The following TPPP2 variants were observed in gnomAD, a reference collection of about 807,000 sequenced individuals.
TPPP2 encodes the protein tubulin polymerization promoting protein family member 2.
Under a neutral mutation model 13.0 loss-of-function variants are expected in TPPP2, and 8 were observed. The observed-to-expected ratio is 0.62, with a 90% CI of 0.36 to 1.11. TPPP2 has a LOEUF of 1.11. TPPP2 is among the 50% of genes most tolerant of loss of function. The pLI is 0.02. For synonymous variants in TPPP2, 81 were observed against 81.8 expected (o/e 0.99, Z 0.05); for missense variants, 213 against 216.9 (o/e 0.98, Z 0.11).
chr14:21,025,466 C>T (rs906657132), upstream of TPPP2: 19 of 985,320 alleles, frequency 1.9e-5, no homozygotes, highest in Admixed American at 3.7e-4. This position sits in a 1 kb window ranked among gnomAD's most constrained non-coding sequence, Gnocchi z 5.1. Flanking sequence ...AGTGGGGAGA[C>T]GAACCCGGGA....
upstream of TPPP2, chr14:21,025,218 G>C (rs898716246): frequency 4.7e-6 from 4 of 849,622 alleles, no homozygotes; most frequent in Non-Finnish European, 5.7e-6. This position sits in a 1 kb window ranked among gnomAD's most constrained non-coding sequence, Gnocchi z 5.1. Flanking sequence ...GCTCAGGAAA[G>C]GGTTGTGCTG....
At chr14:21,036,077 C>T (rs1884603636), downstream of TPPP2, 1 of 398,682 alleles carries the variant, frequency 2.5e-6, no homozygotes, top group African/African-American at 2.1e-5. Context: ...GTTTTTAGAC[C>T]AGTGCCCGGC....
At chr14:21,033,744 T>G, downstream of TPPP2, 1 of 1,040,596 alleles carries the variant, frequency 9.6e-7, no homozygotes. Context: ...AAGGAAGTCT[T>G]GTTACAGGGA....
chr14:21,033,878 G>C, downstream of TPPP2: 1 of 1,614,142 alleles, frequency 6.2e-7, no homozygotes, highest in South Asian at 1.1e-5. Context: ...TGCGGGAGCA[G>C]AGTAGGTAGA....
At chr14:21,034,453 G>A, downstream of TPPP2, among the ~76,000 whole-genome samples, 1 of 152,120 alleles carries the variant, frequency 6.6e-6, no homozygotes, top group East Asian at 1.9e-4. Context: ...CTTGCCCAAG[G>A]CCACCCAGAC....
downstream of TPPP2, chr14:21,034,918 C>T (rs1451664962): frequency 6.6e-6 from 1 of 152,462 alleles, no homozygotes; most frequent in African/African-American, 2.4e-5. Flanking sequence ...CTTCCAATCT[C>T]CTTGCCAAAA....
At chr14:21,030,044 A>G (rs1883955079), upstream of TPPP2, 1 of 152,766 alleles carries the variant, frequency 6.5e-6, no homozygotes, top group Non-Finnish European at 1.5e-5. Flanking sequence ...AATGATGGAA[A>G]TGTGATCATC....
At chr14:21,032,826 A>G (rs1172958995), downstream of TPPP2, 4 of 411,432 alleles carry the variant, frequency 9.7e-6, no homozygotes, top group Non-Finnish European at 1.9e-5. Context: ...GATGTGTGTT[A>G]TTAACTTTTT....
upstream of TPPP2, among the ~76,000 whole-genome samples, chr14:21,027,563 T>C (rs904238956): frequency 6.6e-6 from 1 of 152,164 alleles, no homozygotes; most frequent in Non-Finnish European, 1.5e-5. Context: ...CCCCACATAA[T>C]AGGTATAGTA....
At chr14:21,034,026 T>C (rs1775941685), downstream of TPPP2, 1 of 1,614,066 alleles carries the variant, frequency 6.2e-7, no homozygotes, top group Admixed American at 1.7e-5. Flanking sequence ...GCTGTCACTA[T>C]ACTTGCAGAA....
Position 21,030,919 on chromosome 14 carries a change from A to C in TPPP2, c.174-93A>C, listed in dbSNP as rs545611679. On this transcript the variant is annotated intron_variant, in intron 2 of 3. Coordinates refer to ENST00000321760, the MANE Select transcript of TPPP2 (RefSeq NM_173846.5). ...CGAGACACTCACTGATTGATAGGAC[A>C]AAAGAGGCCAAATCTGAGTGAGGCA... The C allele has an allele frequency of 6.5e-6, 10 of 1,538,040 alleles. No individual in the cohort carries two copies. The South Asian group carries it at 1.3e-4, about 20-fold the overall frequency.
chr14:21,025,227 T>A (rs1227238333), upstream of TPPP2: 1 of 855,098 alleles, frequency 1.2e-6, no homozygotes, highest in African/African-American at 1.8e-5. The surrounding 1 kb of genome is among the most constrained non-coding windows in gnomAD (Gnocchi z 5.1). Context: ...AGGGTTGTGC[T>A]GGGGCCGGGG....
At chr14:21,035,180 C>G (rs1300260705), downstream of TPPP2, among the ~76,000 whole-genome samples, 1 of 152,244 alleles carries the variant, frequency 6.6e-6, no homozygotes, top group African/African-American at 2.4e-5. Flanking sequence ...CCCACGGTCC[C>G]TATCAGCCTT....
intron 3 of TPPP2, 164 bp downstream of exon 3, chr14:21,031,329 G>A (rs1198317253): frequency 6.6e-6 from 6 of 903,962 alleles, no homozygotes; most frequent in Non-Finnish European, 9.5e-6. Flanking sequence ...GCCCAGAGAA[G>A]GGAAGTGACT....
rs1042317674 is a variant in TPPP2 at position 21,031,908 on chromosome 14, G to T, written c.344G>T (p.Gly115Val). 2.5e-6 allele frequency: 4 copies of T among 1,614,012 alleles called. No homozygotes were observed. The South Asian group carries it at 4.4e-5, about 18-fold the overall frequency. The change falls in exon 4 of 4, where the codon GGT becomes GTT. Residue 115 changes from glycine (G) to valine (V), a missense_variant. Coordinates refer to ENST00000321760, the MANE Select transcript of TPPP2 (RefSeq NM_173846.5). ...TTGATKATTVGAVDRLTDTSK... is the reference protein window; with the variant it reads ...TTGATKATTVVAVDRLTDTSK... ...GGCTTGCAGAAAGCAACAACAGTGGGTGCAGTGGACCGTTTGACAGACACC... is the reference window on the plus strand; with the variant it reads ...GGCTTGCAGAAAGCAACAACAGTGGTTGCAGTGGACCGTTTGACAGACACC...
chr14:21,035,738 C>T (rs774323544), downstream of TPPP2: 2 of 455,788 alleles, frequency 4.4e-6, no homozygotes, highest in South Asian at 1.6e-5. Context: ...AACCACAGTC[C>T]AAAATGGAAT....
Position 21,032,035 on chromosome 14 carries a change from T to A in TPPP2, c.471T>A (p.Ser157Arg). 1 of 1,614,002 alleles carries A rather than the reference T, an allele frequency of 6.2e-7. No homozygotes were observed. The highest frequency in any genetic ancestry group is 8.5e-7 in the Non-Finnish European group (1 of 1,180,004). Residue 157 changes from serine (S) to arginine (R), a missense_variant, in exon 4 of 4, where the codon AGT becomes AGA. By Grantham distance (110) the Ser-to-Arg change is moderately radical. Transcript: ENST00000321760. ...EEMTDNTGYV[S>R]GYKGSGTYDK... is the part of the protein sequence containing the mutation. The stretch of plus-strand genomic sequence containing the variant: ...TGACTGACAACACAGGCTATGTGAG[T>A]GGTTACAAGGGTTCTGGCACCTACG...
Position 21,025,112 on chromosome 14 carries a change from G to A in TPPP2, n.236+768G>A, listed in dbSNP as rs2139037692. ...TCGGGCTTCCCGCAGACCCGCCCCC[G>A]GCCCGCCCCAGCCCGCCCACGGGCG... On this transcript the variant is annotated intron_variant and non_coding_transcript_variant, in intron 1 of 1. Transcript: ENST00000533755. This position sits in a 1 kb window ranked among gnomAD's most constrained non-coding sequence, Gnocchi z 5.1. 1.0e-6 allele frequency: 1 copy of A among 976,164 alleles called. No individual in the cohort carries two copies. Among genetic ancestry groups the A allele is most frequent in the South Asian group, 4.8e-5 (1 of 20,838 alleles). 60.5% of individuals were successfully genotyped at this position (976,164 alleles called of 1,614,324 possible).
rs113646046 is a variant in TPPP2 at position 21,024,489 on chromosome 14, A to C, written n.236+145A>C. The C allele has an allele frequency of 1.9e-4, 190 of 984,194 alleles. 2 individuals are homozygous for C. In the African/African-American group the frequency reaches 2.9e-3, roughly 15 times the overall value. 61.0% of individuals were successfully genotyped at this position (984,194 alleles called of 1,614,324 possible). On this transcript the variant is annotated intron_variant and non_coding_transcript_variant, in intron 1 of 1. Coordinates refer to the TPPP2 transcript ENST00000533755. The stretch of plus-strand genomic sequence containing the variant: ...AACGCGGGGGAATAGGGGATCCCCA[A>C]AATTTTTGACAGCTCTCCAGTAAGA...
Sources: allele counts gnomAD v4.1 joint callset (sites outside exome capture counted in the v4.1 genomes callset), GRCh38; gene constraint gnomAD v4.1.1; non-coding constraint Gnocchi (gnomAD v3.1); transcripts MANE v1.5; gene names NCBI Gene and HGNC (gene_info 2026-07-23, HGNC 2026-07-21).